The following OSBP2 variants were observed in gnomAD, a reference collection of about 807,000 sequenced individuals.
OSBP2 encodes the protein oxysterol binding protein 2, also known as oxysterol-binding protein 2.
In OSBP2, 66 loss-of-function variants were observed where a neutral mutation model predicts 96.0. That is an observed-to-expected ratio of 0.69 (90% CI 0.56 to 0.84). The LOEUF (loss-of-function observed/expected upper bound fraction) is 0.84, where lower values mean the gene tolerates loss of function less well. Among genes scored for constraint, OSBP2 ranks in the 40% least tolerant of loss-of-function variants. OSBP2 has a pLI of 0.00. For missense variants in OSBP2, 1,038 were observed against 1,222.7 expected (o/e 0.85, Z 2.25); for synonymous variants, 525 against 520.9 (o/e 1.01, Z -0.11).
chr22:30,857,403 C>A (rs747544539), intron 2 of OSBP2, among the ~76,000 whole-genome samples: 4 of 152,138 alleles, frequency 2.6e-5, no homozygotes, highest in African/African-American at 9.7e-5. Flanking sequence ...GACAGATGGA[C>A]GCTTTAAGCT....
intron 2 of OSBP2, among the ~76,000 whole-genome samples, chr22:30,865,491 G>T (rs1194693651): frequency 6.6e-6 from 1 of 151,996 alleles, no homozygotes; most frequent in African/African-American, 2.4e-5. Context: ...AATTAGCCAG[G>T]TGTTGTGACG....
intron 3 of OSBP2, among the ~76,000 whole-genome samples, chr22:30,886,519 C>T (rs1468669973): frequency 3.3e-5 from 5 of 152,296 alleles, no homozygotes; most frequent in Admixed American, 2.0e-4. Flanking sequence ...TGGAAGAAAA[C>T]GATCTAGCTC....
intron 2 of OSBP2, among the ~76,000 whole-genome samples, chr22:30,742,944 A>G (rs573947993): frequency 6.6e-6 from 1 of 152,242 alleles, no homozygotes; most frequent in Admixed American, 6.5e-5. Context: ...GTGCCATGGA[A>G]TGTTAACAGG....
intron 2 of OSBP2, among the ~76,000 whole-genome samples, chr22:30,757,503 C>T (rs545350353): frequency 1.7e-4 from 26 of 151,934 alleles, no homozygotes; most frequent in Non-Finnish European, 1.8e-4. Flanking sequence ...CTGCAACCTC[C>T]GCCTCCCGGG....
intron 2 of OSBP2, among the ~76,000 whole-genome samples, chr22:30,791,438 T>C (rs907433386): frequency 6.6e-6 from 1 of 150,512 alleles, no homozygotes; most frequent in African/African-American, 2.5e-5. Context: ...GCGATTCTTG[T>C]GCCTCAGCTT....
At chr22:30,826,331 T>C (rs2038405030) in intron 2 of OSBP2, among the ~76,000 whole-genome samples, 1 of 152,196 alleles carries the variant, frequency 6.6e-6, no homozygotes, top group Non-Finnish European at 1.5e-5. Flanking sequence ...TCCCTGCACC[T>C]GCAGAGTGGC....
intron 1 of OSBP2, among the ~76,000 whole-genome samples, chr22:30,711,456 C>T (rs2089348135): frequency 6.6e-6 from 1 of 151,790 alleles, no homozygotes. Context: ...AAAATTAAGA[C>T]CAGGCCTGGC....
At position 30,870,672 on chromosome 22, in the gene OSBP2, C is replaced by G. The variant is rs1291973246; in HGVS notation, c.1097C>G (p.Ala366Gly). 6.2e-7 allele frequency: 1 copy of G among 1,613,306 alleles called. No homozygotes were observed. Among genetic ancestry groups the G allele is most frequent in the Admixed American group, 1.7e-5 (1 of 60,002 alleles). Reference sequence around the variant, plus strand: ...ACCCTCTTCCGCATCACATCCAATGCTATGATCAACGTGAGTACCCACCCC... The same window carrying G: ...ACCCTCTTCCGCATCACATCCAATGGTATGATCAACGTGAGTACCCACCCC... ...RATLFRITSN[A>G]MINACRDFLE... is the part of the protein sequence containing the mutation. Residue 366 changes from alanine to glycine, a missense_variant, in exon 3 of 14, where the codon GCT (alanine) becomes GGT (glycine). Ala to Gly is a moderately conservative substitution (Grantham distance 60). Transcript: ENST00000332585. This position sits in a 1 kb window ranked among gnomAD's most constrained non-coding sequence, Gnocchi z 4.1.
intron 2 of OSBP2, among the ~76,000 whole-genome samples, chr22:30,786,147 G>C (rs28672875): frequency 8.3e-4 from 126 of 151,894 alleles, no homozygotes; most frequent in African/African-American, 2.9e-3. Flanking sequence ...TCTCAACCTC[G>C]AGTAGCTGGG....
At position 30,838,321 on chromosome 22, in the gene OSBP2, A is replaced by G. The variant is rs112051984; in HGVS notation, c.854-32108A>G. Among the ~76,000 whole-genome samples, 1,011 of 152,382 alleles carry G rather than the reference A, an allele frequency of 6.6e-3. 11 individuals are homozygous for G. Among genetic ancestry groups the G allele is most frequent in the East Asian group, 0.022 (112 of 5,192 alleles). ...TTGGAGTCCCTGGGGATGTGATTGC[A>G]TAATACTGTTAATTCCCTGAGGATA... On this transcript the variant is annotated intron_variant, in intron 2 of 13. Coordinates refer to ENST00000332585, the MANE Select transcript of OSBP2 (RefSeq NM_030758.4).
At chr22:30,756,671 C>A (rs762726129) in intron 2 of OSBP2, among the ~76,000 whole-genome samples, 2 of 151,998 alleles carry the variant, frequency 1.3e-5, no homozygotes, top group Non-Finnish European at 2.9e-5. Flanking sequence ...CCAGCTTGGA[C>A]GACAGAGCGA....
chr22:30,902,466 A>C, intron 12 of OSBP2: 1 of 1,584,288 alleles, frequency 6.3e-7, no homozygotes, highest in Non-Finnish European at 8.6e-7. Flanking sequence ...AACAAGATAA[A>C]GGTGGCTTTG....
chr22:30,712,335 G>T (rs1449517845), intron 1 of OSBP2, among the ~76,000 whole-genome samples: 1 of 152,144 alleles, frequency 6.6e-6, no homozygotes, highest in Non-Finnish European at 1.5e-5. Context: ...GGAAATTCTT[G>T]TTGAACTGAA....
chr22:30,864,373 A>G (rs1009830440), intron 2 of OSBP2, among the ~76,000 whole-genome samples: 2 of 152,200 alleles, frequency 1.3e-5, no homozygotes, highest in South Asian at 2.1e-4. Context: ...GTACCATTGA[A>G]GTGACCCACA....
intron 1 of OSBP2, among the ~76,000 whole-genome samples, chr22:30,722,523 G>A (rs136377): frequency 0.88 from 134,119 of 152,090 alleles, 59,426 homozygotes; most frequent in East Asian, 1. Context: ...ATTACTTAAT[G>A]TTATCAAATA....
At chr22:30,783,738 G>A (rs973868999) in intron 2 of OSBP2, among the ~76,000 whole-genome samples, 3 of 152,134 alleles carry the variant, frequency 2.0e-5, no homozygotes, top group Non-Finnish European at 4.4e-5. Flanking sequence ...GCATAAGAAC[G>A]CAACTTACGG....
intron 2 of OSBP2, among the ~76,000 whole-genome samples, chr22:30,866,030 C>T (rs995307189): frequency 6.6e-6 from 1 of 152,198 alleles, no homozygotes; most frequent in Admixed American, 6.5e-5. Context: ...GTAAATCAGA[C>T]CGTAATGATC....
chr22:30,718,646 C>A (rs780279632), intron 1 of OSBP2, among the ~76,000 whole-genome samples: 1 of 152,202 alleles, frequency 6.6e-6, no homozygotes, highest in Non-Finnish European at 1.5e-5. Context: ...TGTTCACTGG[C>A]CTTCCTGCCC....
chr22:30,899,352 G>A (rs960435675), intron 12 of OSBP2, among the ~76,000 whole-genome samples: 4 of 149,656 alleles, frequency 2.7e-5, no homozygotes, highest in Non-Finnish European at 5.9e-5. Flanking sequence ...GCTGCAGTGA[G>A]CCATGACTAC....
Sources: allele counts gnomAD v4.1 joint callset (sites outside exome capture counted in the v4.1 genomes callset), GRCh38; gene constraint gnomAD v4.1.1; non-coding constraint Gnocchi (gnomAD v3.1); transcripts MANE v1.5; gene names NCBI Gene and HGNC (gene_info 2026-07-23, HGNC 2026-07-21).